Variants in LRRC37A3 observed in about 807,000 individuals in gnomAD.
LRRC37A3 encodes the protein leucine-rich repeat-containing protein 37A3.
Under a neutral mutation model 106.2 loss-of-function variants are expected in LRRC37A3, and 25 were observed. The ratio of observed to expected loss-of-function variants is 0.24; its 90% confidence interval spans 0.17 to 0.33. The LOEUF is 0.33. LRRC37A3 is among the 10% of genes least tolerant of loss of function. The probability of loss-of-function intolerance (pLI) is 1.00; values close to 1 mark genes in which losing one functional copy is unlikely to be tolerated. For missense variants in LRRC37A3, 712 were observed against 1,644.9 expected (o/e 0.43, Z 9.81); for synonymous variants, 305 against 635.8 (o/e 0.48, Z 7.83).
chr17:64,879,906 T>G (rs565931797), intron 8 of LRRC37A3, among the ~76,000 whole-genome samples: 8 of 152,316 alleles, frequency 5.3e-5, no homozygotes, highest in African/African-American at 1.9e-4. Context: ...TTCTATTTTT[T>G]CTTAAACACC....
At chr17:64,916,431 AAAG>A (rs1463662113) in intron 2 of LRRC37A3, among the ~76,000 whole-genome samples, 5 of 152,080 alleles carry the variant, frequency 3.3e-5, no homozygotes, top group South Asian at 2.1e-4. Flanking sequence ...AAATAAAATA[AAAG>A]AAGAATAACA....
chr17:64,879,700 GTGGGC>G (rs1183767385), intron 8 of LRRC37A3, among the ~76,000 whole-genome samples: 19 of 152,110 alleles, frequency 1.2e-4, no homozygotes, highest in African/African-American at 4.6e-4. Context: ...AAGACCACTG[GTGGGC>G]TCTGTACAAA....
intron 13 of LRRC37A3, among the ~76,000 whole-genome samples, chr17:64,856,399 TA>T (rs1489440723): frequency 6.7e-6 from 1 of 148,732 alleles, no homozygotes; most frequent in Non-Finnish European, 1.5e-5. Flanking sequence ...TTTTAATTTT[TA>T]ATAAAGACAA....
At chr17:64,883,126 G>A (rs1019302623) in intron 8 of LRRC37A3, among the ~76,000 whole-genome samples, 1 of 152,152 alleles carries the variant, frequency 6.6e-6, no homozygotes, top group African/African-American at 2.4e-5. Flanking sequence ...ATTCAGTGAG[G>A]GGCTTTGATA....
At chr17:64,882,884 A>G (rs1235468119) in intron 8 of LRRC37A3, among the ~76,000 whole-genome samples, 1 of 151,364 alleles carries the variant, frequency 6.6e-6, no homozygotes, top group Non-Finnish European at 1.5e-5. Context: ...GCCTTTCTAC[A>G]TTGCAAAGTC....
rs201735726 is a variant in LRRC37A3 at position 64,859,955 on chromosome 17, A to C, written c.4191T>G (p.Phe1397Leu). 1.1e-5 allele frequency: 17 copies of C among 1,613,754 alleles called. No individual in the cohort carries two copies. Among genetic ancestry groups the C allele is most frequent in the Admixed American group, 1.0e-4 (6 of 60,008 alleles). The change falls in exon 12 of 15, where the codon TTT becomes TTG. Residue 1397 changes from phenylalanine to leucine, a missense_variant. Coordinates refer to ENST00000584306, the MANE Select transcript of LRRC37A3 (RefSeq NM_199340.5). ...NTKDTTARNAFEENVFMENTN... is the reference protein window; with the variant it reads ...NTKDTTARNALEENVFMENTN... ...TGTTTTCCATAAAAACATTTTCTTCAAAGGCATTTCTTGCAGTTGTGTCTT... is the reference window on the plus strand; with the variant it reads ...TGTTTTCCATAAAAACATTTTCTTCCAAGGCATTTCTTGCAGTTGTGTCTT...
intron 8 of LRRC37A3, chr17:64,881,227 T>G (rs1411108018): frequency 8.6e-6 from 6 of 698,636 alleles, no homozygotes; most frequent in Non-Finnish European, 1.3e-5. Flanking sequence ...ACAGTGAGCC[T>G]TTTTCTTTTC....
intron 2 of LRRC37A3, among the ~76,000 whole-genome samples, chr17:64,913,337 G>GTTTT (rs945846426): frequency 1.5e-4 from 16 of 103,708 alleles, no homozygotes; most frequent in Non-Finnish European, 2.3e-4. Context: ...CCTATTTTGG[G>GTTTT]TTTTTTTTTT....
chr17:64,880,679 A>G (rs1973668853), intron 8 of LRRC37A3, among the ~76,000 whole-genome samples: 1 of 152,188 alleles, frequency 6.6e-6, no homozygotes, highest in African/African-American at 2.4e-5. Flanking sequence ...GATGAGGAAA[A>G]CTGAAATATT....
chr17:64,868,895 A>T (rs1272552411), intron 9 of LRRC37A3, among the ~76,000 whole-genome samples, 200 bp downstream of exon 9: 1 of 152,178 alleles, frequency 6.6e-6, no homozygotes, highest in Non-Finnish European at 1.5e-5. Context: ...GGGTTCTTCA[A>T]TGCTGTTCTC....
intron 8 of LRRC37A3, among the ~76,000 whole-genome samples, chr17:64,877,828 T>C (rs905540476): frequency 5.9e-5 from 9 of 152,080 alleles, no homozygotes; most frequent in African/African-American, 1.9e-4. Context: ...TAGAATAGAA[T>C]TGACAACCCA....
In LRRC37A3 at chr17:64,860,834, C is replaced by T. The variant is rs1428369820; in HGVS notation, c.3312G>A (p.Gly1104=). The change falls in exon 12 of 15, where the codon GGG becomes GGA. Residue 1104 remains glycine (G), a synonymous_variant. Transcript: ENST00000584306. ...DSSGINLSGF[G]SEQLDTNDES... ...CGTCATTGGTGTCTAGCTGCTCACT[C>T]CCAAAGCCTGACAAGTTGATGCCAC... The T allele has an allele frequency of 6.2e-7, 1 of 1,614,218 alleles. No individual in the cohort carries two copies. The highest frequency in any genetic ancestry group is 1.7e-5 in the Admixed American group (1 of 60,028).
chr17:64,918,990 C>A (rs1202808267), intron 1 of LRRC37A3, 120 bp from the exon 2 acceptor site: 10 of 1,217,998 alleles, frequency 8.2e-6, no homozygotes, highest in Admixed American at 4.3e-5. Context: ...CCGCCTCCCC[C>A]CGGCCGGGGC....
At chr17:64,866,323 CT>C (rs1973068762) in intron 10 of LRRC37A3, among the ~76,000 whole-genome samples, 1 of 151,802 alleles carries the variant, frequency 6.6e-6, no homozygotes. Context: ...TAAAAGAGAT[CT>C]GACAACCTGG....
chr17:64,862,591 G>A (rs1446560970), intron 11 of LRRC37A3, among the ~76,000 whole-genome samples: 2 of 151,854 alleles, frequency 1.3e-5, no homozygotes, highest in Non-Finnish European at 1.5e-5. Flanking sequence ...TTATCACTGT[G>A]GGCAAAGCAT....
intron 8 of LRRC37A3, among the ~76,000 whole-genome samples, chr17:64,876,435 G>A (rs1009097972): frequency 7.9e-5 from 12 of 152,058 alleles, no homozygotes; most frequent in African/African-American, 2.9e-4. Flanking sequence ...TCCTCCCACC[G>A]CAGCCTCCCA....
At chr17:64,869,578 C>T (rs1345906944) in intron 8 of LRRC37A3, among the ~76,000 whole-genome samples, 2 of 146,318 alleles carry the variant, frequency 1.4e-5, no homozygotes, top group African/African-American at 2.7e-5. Context: ...TCTTGTTGCC[C>T]AGGCTGGAGT....
intron 14 of LRRC37A3, 111 bp from the exon 15 acceptor site, chr17:64,854,755 G>T: frequency 6.2e-7 from 1 of 1,611,830 alleles, no homozygotes; most frequent in South Asian, 1.1e-5. Context: ...ATTTACCCAG[G>T]GTCCCTGTTG....
At position 64,860,065 on chromosome 17, in the gene LRRC37A3, A is replaced by C. The variant is rs1972814614; in HGVS notation, c.4081T>G (p.Ser1361Ala). 6.2e-7 allele frequency: 1 copy of C among 1,613,982 alleles called. No homozygotes were observed. Among genetic ancestry groups the C allele is most frequent in the East Asian group, 2.2e-5 (1 of 44,880 alleles). ...TCTTGAGGACTCAGGTCTCTTAAGG[A>C]TGAAAAAGCCCCTTGTGAAGGGGAA... ...INSPSQGAFSSLRDLSPQENP... is the reference protein window; with the variant it reads ...INSPSQGAFSALRDLSPQENP... Residue 1361 changes from serine to alanine, a missense_variant, in exon 12 of 15, where the codon TCC (serine) becomes GCC (alanine). Ser to Ala is a moderately conservative substitution (Grantham distance 99). Transcript: ENST00000584306.
Sources: allele counts gnomAD v4.1 joint callset (sites outside exome capture counted in the v4.1 genomes callset), GRCh38; gene constraint gnomAD v4.1.1; transcripts MANE v1.5; gene names NCBI Gene and HGNC (gene_info 2026-07-23, HGNC 2026-07-21).